MYCBP2: variants seen among roughly 807,000 people sequenced by gnomAD.
The protein encoded by MYCBP2 is MYC binding protein 2, also known as E3 ubiquitin-protein ligase MYCBP2.
Under a neutral mutation model 525.3 loss-of-function variants are expected in MYCBP2, and 120 were observed. That is an observed-to-expected ratio of 0.23 (90% CI 0.20 to 0.27). The LOEUF (loss-of-function observed/expected upper bound fraction) is 0.27, where lower values mean the gene tolerates loss of function less well. Among genes scored for constraint, MYCBP2 ranks in the 10% least tolerant of loss-of-function variants. The probability of loss-of-function intolerance (pLI) is 1.00; values close to 1 mark genes in which losing one functional copy is unlikely to be tolerated. For missense variants in MYCBP2, 4,149 were observed against 5,657.1 expected (o/e 0.73, Z 8.55); for synonymous variants, 1,894 against 1,955.8 (o/e 0.97, Z 0.83).
At chr13:77,179,599 A>C (rs1318022863) in intron 34 of MYCBP2, among the ~76,000 whole-genome samples, 1 of 152,250 alleles carries the variant, frequency 6.6e-6, no homozygotes, top group Non-Finnish European at 1.5e-5. Context: ...TGTACACGTA[A>C]AAATGATTAG....
intron 17 of MYCBP2, among the ~76,000 whole-genome samples, chr13:77,235,924 G>A (rs1235388792): frequency 6.6e-6 from 1 of 151,918 alleles, no homozygotes; most frequent in East Asian, 1.9e-4. Context: ...GAAGGGCAAG[G>A]GAAAAGAAAT....
intron 17 of MYCBP2, among the ~76,000 whole-genome samples, chr13:77,237,511 G>T (rs1594206192): frequency 6.6e-6 from 1 of 152,086 alleles, no homozygotes; most frequent in East Asian, 1.9e-4. Flanking sequence ...ACAAAATTCA[G>T]TCAATGATAT....
At chr13:77,277,214 T>G (rs1025350541) in intron 4 of MYCBP2, among the ~76,000 whole-genome samples, 2 of 152,132 alleles carry the variant, frequency 1.3e-5, no homozygotes, top group African/African-American at 4.8e-5. Context: ...ATTTGCTAAC[T>G]AACAAACCAA....
rs148968342 is a variant in MYCBP2 at position 77,323,115 on chromosome 13, A to T, written c.302+3359T>A. 1.0e-3 allele frequency among the ~76,000 whole-genome samples: 157 copies of T among 152,334 alleles called. 1 individual carries two copies. The highest frequency in any genetic ancestry group is 3.4e-3 in the Middle Eastern group (1 of 294). ...CATTGATTCATTTAATCTACAAAAC[A>T]ATTCATGTTAGTATTATGATCCCCA... is the stretch of plus-strand genomic sequence containing the variant. On this transcript the variant is annotated intron_variant, in intron 1 of 82. Transcript: ENST00000544440.
chr13:77,253,948 T>C (rs928362768), intron 14 of MYCBP2, among the ~76,000 whole-genome samples: 4 of 151,250 alleles, frequency 2.6e-5, no homozygotes, highest in Non-Finnish European at 5.9e-5. Context: ...ATAAAGGAGG[T>C]TTTAAACTCA....
At chr13:77,178,041 C>A (rs1447886085) in intron 34 of MYCBP2, 87 bp from the exon 35 acceptor site, 4 of 804,792 alleles carry the variant, frequency 5.0e-6, no homozygotes, top group Non-Finnish European at 8.5e-6. Flanking sequence ...AATAAAATAA[C>A]CTTTATTTAA....
At chr13:77,072,756 C>T (rs890380110) in intron 68 of MYCBP2, among the ~76,000 whole-genome samples, 1 of 151,928 alleles carries the variant, frequency 6.6e-6, no homozygotes, top group Admixed American at 6.5e-5. Flanking sequence ...GGCAATAAAT[C>T]CAGAAACTTA....
At chr13:77,205,075 T>A (rs896098172) in intron 26 of MYCBP2, among the ~76,000 whole-genome samples, 181 bp downstream of exon 26, 1 of 151,764 alleles carries the variant, frequency 6.6e-6, no homozygotes. Flanking sequence ...ATTTAAAAAA[T>A]TTAGTATTAC....
chr13:77,317,104 C>T (rs1431534924), intron 1 of MYCBP2, among the ~76,000 whole-genome samples: 1 of 152,168 alleles, frequency 6.6e-6, no homozygotes, highest in Non-Finnish European at 1.5e-5. Flanking sequence ...CACGCGCCAA[C>T]ATGCCCGGCT....
chr13:77,125,256 A>T, intron 54 of MYCBP2, 80 bp downstream of exon 54: 1 of 1,505,194 alleles, frequency 6.6e-7, no homozygotes, highest in African/African-American at 1.4e-5. Flanking sequence ...AACTCTTTAA[A>T]ACAAAAGCAA....
chr13:77,128,523 A>T (rs1410099115), intron 52 of MYCBP2, among the ~76,000 whole-genome samples: 1 of 151,924 alleles, frequency 6.6e-6, no homozygotes, highest in South Asian at 2.1e-4. Flanking sequence ...ACTGAAAGGC[A>T]ATTATGAAAA....
Position 77,097,726 on chromosome 13 carries a change from T to G in MYCBP2, c.9428A>C (p.Glu3143Ala). The change falls in exon 56 of 83, where the codon GAA becomes GCA. Residue 3143 changes from glutamate to alanine, a missense_variant. By Grantham distance (107) the Glu-to-Ala change is moderately radical. Transcript: ENST00000544440. ...CEDGKTETTF[E>A]MSMHNTMKSK... The stretch of plus-strand genomic sequence containing the variant: ...CTTCATTGTGTTATGCATGGACATT[T>G]CAAAAGTGGTCTCGGTTTTCCCATC... 6.2e-7 allele frequency: 1 copy of G among 1,613,610 alleles called. No homozygotes were observed. The highest frequency in any genetic ancestry group is 1.1e-5 in the South Asian group (1 of 91,040).
chr13:77,200,266 G>A (rs546716417), intron 26 of MYCBP2, among the ~76,000 whole-genome samples: 236 of 152,308 alleles, frequency 1.5e-3, no homozygotes, highest in African/African-American at 5.4e-3. Context: ...AGGAGCCGAT[G>A]AGATCAACTG....
intron 73 of MYCBP2, 85 bp from the exon 74 acceptor site, chr13:77,062,782 TA>T: frequency 9.7e-7 from 1 of 1,035,886 alleles, no homozygotes; most frequent in Non-Finnish European, 1.5e-6. Context: ...AACAGCTCAA[TA>T]AATGCTGGCT....
chr13:77,315,722 T>G (rs923933868), intron 1 of MYCBP2, among the ~76,000 whole-genome samples: 3 of 151,570 alleles, frequency 2.0e-5, no homozygotes, highest in Non-Finnish European at 2.9e-5. Flanking sequence ...TGGTGAAATC[T>G]CATCTCTACT....
intron 68 of MYCBP2, among the ~76,000 whole-genome samples, chr13:77,073,710 C>T (rs1044788847): frequency 2.6e-5 from 4 of 151,886 alleles, no homozygotes; most frequent in African/African-American, 9.6e-5. Context: ...ATCTAATATA[C>T]AAAAGTCAAT....
At chr13:77,268,229 A>G (rs748957287) in intron 7 of MYCBP2, among the ~76,000 whole-genome samples, 1 of 152,226 alleles carries the variant, frequency 6.6e-6, no homozygotes, top group Non-Finnish European at 1.5e-5. Flanking sequence ...CCAAGTAAAT[A>G]ATATGAATGA....
At chr13:77,182,902 G>A (rs1158813890) in intron 32 of MYCBP2, among the ~76,000 whole-genome samples, 1 of 152,106 alleles carries the variant, frequency 6.6e-6, no homozygotes, top group East Asian at 1.9e-4. Flanking sequence ...AGATTTTTTT[G>A]TAAATATCTT....
At chr13:77,114,176 A>T (rs60832891) in intron 55 of MYCBP2, among the ~76,000 whole-genome samples, 5,182 of 152,238 alleles carry the variant, frequency 0.034, 295 homozygotes, top group African/African-American at 0.12. Flanking sequence ...ACTGAATTAC[A>T]TTGCAAAAAT....
Sources: gnomAD v4.1 joint callset for allele counts (sites outside exome capture counted in the v4.1 genomes callset) on GRCh38, gnomAD v4.1.1 for gene constraint, MANE v1.5 for transcripts, NCBI Gene and HGNC (gene_info 2026-07-23, HGNC 2026-07-21) for gene names.